COL23A1: variants seen among roughly 807,000 people sequenced by gnomAD.
COL23A1 encodes collagen alpha-1(XXIII) chain.
COL23A1 carries 97 observed loss-of-function variants against 99.3 expected under a neutral mutation model. That is an observed-to-expected ratio of 0.98 (90% CI 0.83 to 1.16). The LOEUF (loss-of-function observed/expected upper bound fraction) is 1.16, where lower values mean the gene tolerates loss of function less well. Ranked by LOEUF, COL23A1 falls within the 50% of genes most tolerant of loss-of-function variation. COL23A1 has a pLI of 0.00. For missense variants in COL23A1, 762 were observed against 757.4 expected (o/e 1.01, Z -0.07); for synonymous variants, 320 against 308.2 (o/e 1.04, Z -0.40).
Position 178,383,609 on chromosome 5 carries a change from G to GC in COL23A1, c.362-76691dup, listed in dbSNP as rs751974817. On this transcript the variant is annotated intron_variant, in intron 2 of 28. Transcript: ENST00000390654. ...GGGAGGTGGGCTTGGGGTTGGAGAA[G>GC]CCCCCCATCAGCCGTGACTTGTGTC... 4.6e-5 allele frequency among the ~76,000 whole-genome samples: 7 copies of GC among 152,204 alleles called. No homozygotes were observed. In the East Asian group the frequency reaches 1.2e-3, roughly 25 times the overall value.
chr5:178,365,179 A>C lies in COL23A1; in HGVS notation c.362-58260T>G, dbSNP rs1201921715. ...TGTGTGTGTGTGTGTGTGATAAATA[A>C]GCAAAATTGTTTTCCTGGGACTCCA... On this transcript the variant is annotated intron_variant, in intron 2 of 28. Transcript: ENST00000390654. This position sits in a 1 kb window ranked among gnomAD's most constrained non-coding sequence, Gnocchi z 5.2. 7.4e-6 allele frequency among the ~76,000 whole-genome samples: 1 copy of C among 135,316 alleles called. No individual in the cohort carries two copies. The highest frequency in any genetic ancestry group is 4.2e-4 in the East Asian group (1 of 2,368). 88.8% of individuals were successfully genotyped at this position (135,316 alleles called of 152,430 possible). A position where few individuals can be genotyped will look rare whatever the true frequency, so the allele number is the denominator to read the frequency against.
At chr5:178,379,306 G>C (rs1166555273) in intron 2 of COL23A1, among the ~76,000 whole-genome samples, 13 of 152,090 alleles carry the variant, frequency 8.5e-5, no homozygotes, top group Non-Finnish European at 1.9e-4. Flanking sequence ...GTTGACCGTA[G>C]ATGCTAGGAC....
intron 2 of COL23A1, chr5:178,344,847 CG>C: frequency 1.3e-6 from 1 of 744,322 alleles, no homozygotes; most frequent in Non-Finnish European, 2.3e-6. Flanking sequence ...TTGAAGATGG[CG>C]GGGCGATCTG....
intron 2 of COL23A1, among the ~76,000 whole-genome samples, chr5:178,412,667 G>A (rs1581338747): frequency 6.6e-6 from 1 of 152,122 alleles, no homozygotes; most frequent in African/African-American, 2.4e-5. Context: ...CGTATCACAA[G>A]TGATATGACA....
intron 2 of COL23A1, among the ~76,000 whole-genome samples, chr5:178,321,480 CTTTTTTTTTTTTT>C (rs570803192): frequency 2.8e-5 from 3 of 109,040 alleles, no homozygotes; most frequent in Admixed American, 9.8e-5. Flanking sequence ...GTCACCTTCC[CTTTTTTTTTTTTT>C]TTTTTTTTTT....
In COL23A1 at chr5:178,260,773, G is replaced by A. The variant is rs58026453; in HGVS notation, c.702+949C>T. Among the ~76,000 whole-genome samples the A allele has an allele frequency of 9.9e-4, 150 of 152,264 alleles. 2 individuals carry two copies. The highest frequency in any genetic ancestry group is 3.4e-3 in the African/African-American group (141 of 41,548). On this transcript the variant is annotated intron_variant, in intron 11 of 28. Coordinates refer to ENST00000390654, the MANE Select transcript of COL23A1 (RefSeq NM_173465.4). ...TGTGCCATTGCACTCCAGCCTGGGC[G>A]ACAAGAGCAAGACTCCATCTCAAAA...
Position 178,525,019 on chromosome 5 carries a change from C to T in COL23A1, c.361+35663G>A, listed in dbSNP as rs553247173. ...TAGGGCAACAAGAGGTTAAATAACT[C>T]GGCTAAGCTCACATGGCTGGTAAGA... is the stretch of plus-strand genomic sequence containing the variant. On this transcript the variant is annotated intron_variant, in intron 2 of 28. Transcript: ENST00000390654. Among the ~76,000 whole-genome samples the T allele has an allele frequency of 4.3e-4, 65 of 152,218 alleles. 1 individual carries two copies. Among genetic ancestry groups the T allele is most frequent in the Admixed American group, 4.2e-3 (64 of 15,284 alleles).
chr5:178,267,329 G>A lies in COL23A1; in HGVS notation c.500C>T (p.Ala167Val). The change falls in exon 8 of 29, where the codon GCA becomes GTA. Residue 167 changes from alanine (A) to valine (V), a missense_variant. Ala to Val is a moderately conservative substitution (Grantham distance 64, BLOSUM62 0). Transcript: ENST00000390654. Reference protein sequence around the residue: ...GLPGPKGEKGAPGDFGPRGDQ... With the variant: ...GLPGPKGEKGVPGDFGPRGDQ... ...TACCCGGGGGCCAAAGTCTCCTGGT[G>A]CACCCTGGGAACAAAAGACAGGGAG... 1.2e-6 allele frequency: 2 copies of A among 1,613,922 alleles called. No homozygotes were observed. The highest frequency in any genetic ancestry group is 1.7e-5 in the Admixed American group (1 of 59,960).
At chr5:178,379,970 C>T (rs1763290545) in intron 2 of COL23A1, among the ~76,000 whole-genome samples, 1 of 151,890 alleles carries the variant, frequency 6.6e-6, no homozygotes, top group Non-Finnish European at 1.5e-5. Context: ...GATGAGGAAA[C>T]TGAAGGTCAG....
chr5:178,527,853 A>G (rs1375808917), intron 2 of COL23A1, among the ~76,000 whole-genome samples: 1 of 152,256 alleles, frequency 6.6e-6, no homozygotes, highest in Non-Finnish European at 1.5e-5. Flanking sequence ...TTCCTCAGAT[A>G]CAGCCCGAAA....
intron 2 of COL23A1, among the ~76,000 whole-genome samples, chr5:178,486,283 T>C (rs1757621985): frequency 1.3e-5 from 2 of 152,216 alleles, no homozygotes; most frequent in Admixed American, 6.5e-5. Context: ...GTGTTCAAGC[T>C]GCTCAGGCCC....
intron 2 of COL23A1, among the ~76,000 whole-genome samples, chr5:178,326,031 C>A (rs1255646128): frequency 6.6e-6 from 1 of 152,152 alleles, no homozygotes; most frequent in Admixed American, 6.5e-5. Flanking sequence ...TTAACCACTC[C>A]CCAGGGAGCA....
chr5:178,355,702 G>A (rs1362743734), intron 2 of COL23A1, among the ~76,000 whole-genome samples: 1 of 152,106 alleles, frequency 6.6e-6, no homozygotes, highest in Non-Finnish European at 1.5e-5. Flanking sequence ...ATGTTAGCCA[G>A]AATGGTCTCC....
intron 2 of COL23A1, among the ~76,000 whole-genome samples, chr5:178,356,405 G>A (rs568321519): frequency 4.1e-4 from 62 of 152,270 alleles, no homozygotes; most frequent in Non-Finnish European, 1.8e-4. Context: ...CAGCACAGGG[G>A]GTAAAGCATT....
At chr5:178,545,272 A>C (rs1171608453) in intron 2 of COL23A1, among the ~76,000 whole-genome samples, 1 of 152,042 alleles carries the variant, frequency 6.6e-6, no homozygotes, top group Non-Finnish European at 1.5e-5. Context: ...TCACAGTCTC[A>C]GGCTACGGCA....
chr5:178,248,199 T>A lies in COL23A1; in HGVS notation c.1205A>T (p.Glu402Val). 1 of 1,603,122 alleles carries A rather than the reference T, an allele frequency of 6.2e-7. No homozygotes were observed. Among genetic ancestry groups the A allele is most frequent in the Non-Finnish European group, 8.5e-7 (1 of 1,170,532 alleles). Residue 402 changes from glutamate to valine, a missense_variant, in exon 20 of 29, where the codon GAG becomes GTG. By Grantham distance (121) the Glu-to-Val change is moderately radical. Transcript: ENST00000390654. ...KGESASDSLQ[E>V]SLAQLIVEPG... ...CCCCCCATACCCCCTTACCAGGCTC[T>A]CCTGTAGGCTGTCAGACGCCGACTC...
At chr5:178,259,820 G>T in intron 11 of COL23A1, 73 bp from the exon 12 acceptor site, 1 of 1,413,536 alleles carries the variant, frequency 7.1e-7, no homozygotes, top group Non-Finnish European at 9.6e-7. Context: ...CGGACCTCTT[G>T]TTCCTCGGGT....
chr5:178,421,183 C>T (rs1055542965), intron 2 of COL23A1, among the ~76,000 whole-genome samples: 1 of 152,118 alleles, frequency 6.6e-6, no homozygotes, highest in Non-Finnish European at 1.5e-5. Flanking sequence ...TCAGTAAAAA[C>T]GGTCATGATT....
At chr5:178,292,749 G>A (rs964718256) in intron 3 of COL23A1, among the ~76,000 whole-genome samples, 2 of 152,180 alleles carry the variant, frequency 1.3e-5, no homozygotes, top group African/African-American at 4.8e-5. Context: ...CCTAGTTTTG[G>A]CTTCAGCAAC....
Sources: gnomAD v4.1 joint callset for allele counts (sites outside exome capture counted in the v4.1 genomes callset) on GRCh38, gnomAD v4.1.1 for gene constraint, Gnocchi (gnomAD v3.1) non-coding constraint, MANE v1.5 for transcripts, NCBI Gene and HGNC (gene_info 2026-07-23, HGNC 2026-07-21) for gene names.